The following KDM4B variants were observed in gnomAD, a reference collection of about 807,000 sequenced individuals.
KDM4B encodes lysine demethylase 4B.
A neutral mutation model predicts 125.2 loss-of-function variants in KDM4B; 32 were observed. The observed-to-expected ratio is 0.26, with a 90% CI of 0.19 to 0.34. The LOEUF is 0.34. Ranked by LOEUF, KDM4B falls within the 10% of genes least tolerant of loss-of-function variation. KDM4B has a pLI of 1.00. For missense variants in KDM4B, 1,190 were observed against 1,577.7 expected (o/e 0.75, Z 4.16); for synonymous variants, 721 against 677.9 (o/e 1.06, Z -0.99).
rs1258096570 is a variant in KDM4B at position 5,094,425 on chromosome 19, A to G, written c.918+11921A>G. 2.0e-5 allele frequency among the ~76,000 whole-genome samples: 3 copies of G among 152,210 alleles called. No homozygotes were observed. The East Asian group carries it at 5.8e-4, about 29-fold the overall frequency. ...GCCTTTGAAGTTAGATTTCATCACC[A>G]TGTGCGGGGGGGAGGCACTGGGCAT... On this transcript the variant is annotated intron_variant, in intron 9 of 22. Coordinates refer to ENST00000159111, the MANE Select transcript of KDM4B (RefSeq NM_015015.3).
chr19:5,035,892 CGCGCCT>C lies in KDM4B; in HGVS notation c.141+2866_141+2871del, dbSNP rs1195274689. ...GTGTGTGTGTGTGTGCGCGCGCGCG[CGCGCCT>C]GCGCGCACAGGAGACTGAGGTGGGG... On this transcript the variant is annotated intron_variant, in intron 3 of 22. Transcript: ENST00000159111. This position sits in a 1 kb window ranked among gnomAD's most constrained non-coding sequence, Gnocchi z 5.3. Among the ~76,000 whole-genome samples, 89 of 134,268 alleles carry C rather than the reference CGCGCCT, an allele frequency of 6.6e-4. No individual in the cohort carries two copies. The highest frequency in any genetic ancestry group is 5.8e-3 in the East Asian group (28 of 4,836). The allele number at this position is 134,268 out of a possible 152,430, so 88.1% of individuals were successfully genotyped here.
chr19:4,994,213 T>C (rs951564765), intron 1 of KDM4B, among the ~76,000 whole-genome samples: 1 of 151,652 alleles, frequency 6.6e-6, no homozygotes, highest in African/African-American at 2.4e-5. Context: ...CCCGAAGTGT[T>C]GGGATTACAG....
At chr19:5,029,749 C>T (rs1459250782) in intron 2 of KDM4B, among the ~76,000 whole-genome samples, 1 of 152,224 alleles carries the variant, frequency 6.6e-6, no homozygotes, top group Non-Finnish European at 1.5e-5. Context: ...ATGGCTTGAG[C>T]CCAGGAGGTT....
At chr19:5,136,125 G>A (rs1180957213) in intron 15 of KDM4B, among the ~76,000 whole-genome samples, 1 of 152,222 alleles carries the variant, frequency 6.6e-6, no homozygotes, top group Non-Finnish European at 1.5e-5. Flanking sequence ...TGGCCCTCTG[G>A]ACAGTTCTGC....
chr19:5,020,627 G>A (rs1391569488), intron 2 of KDM4B, among the ~76,000 whole-genome samples: 1 of 152,174 alleles, frequency 6.6e-6, no homozygotes, highest in Non-Finnish European at 1.5e-5. Flanking sequence ...TGGGGGAAGG[G>A]GGTCCCACTG....
Position 5,041,263 on chromosome 19 carries a change from G to A in KDM4B, c.432+12G>A. 1 of 1,599,354 alleles carries A rather than the reference G, an allele frequency of 6.3e-7. No homozygotes were observed. Among genetic ancestry groups the A allele is most frequent in the Non-Finnish European group, 8.6e-7 (1 of 1,167,550 alleles). ...CTTTGTATGATGACGTAAGTATGAG[G>A]CTCCGGGGAAGAACAGGGACCAGCT... On this transcript the variant is annotated intron_variant, in intron 5 of 22. Transcript: ENST00000159111.
chr19:5,025,538 C>T (rs1286451534), intron 2 of KDM4B, among the ~76,000 whole-genome samples: 2 of 152,228 alleles, frequency 1.3e-5, no homozygotes, highest in Non-Finnish European at 2.9e-5. Context: ...TCGGTTGGAT[C>T]GTGTCTCCTT....
chr19:5,140,839 T>C (rs1289269443), intron 18 of KDM4B: 1 of 152,188 alleles, frequency 6.6e-6, no homozygotes, highest in African/African-American at 2.4e-5. Context: ...CATTTGTCCC[T>C]GTGCACTCCG....
At chr19:5,021,564 C>G (rs558632933) in intron 2 of KDM4B, among the ~76,000 whole-genome samples, 1 of 151,900 alleles carries the variant, frequency 6.6e-6, no homozygotes, top group Non-Finnish European at 1.5e-5. Flanking sequence ...TACAGCAAGA[C>G]CCTGTTTCAA....
At chr19:5,029,470 C>T (rs1055660967) in intron 2 of KDM4B, among the ~76,000 whole-genome samples, 1 of 152,174 alleles carries the variant, frequency 6.6e-6, no homozygotes. Context: ...GGTTATGGCG[C>T]GTGGGGATTG....
intron 2 of KDM4B, among the ~76,000 whole-genome samples, chr19:5,023,571 G>A (rs1474858665): frequency 6.6e-6 from 1 of 152,152 alleles, no homozygotes; most frequent in Non-Finnish European, 1.5e-5. Context: ...TGGCAGCACA[G>A]GGGCTGGAGG....
intron 10 of KDM4B, 136 bp from the exon 11 acceptor site, chr19:5,119,517 C>T: frequency 1.1e-6 from 1 of 894,378 alleles, no homozygotes; most frequent in South Asian, 1.4e-5. Context: ...CCCCCGGCCT[C>T]CAGCCAGGAG....
intron 11 of KDM4B, among the ~76,000 whole-genome samples, chr19:5,129,370 A>G (rs2039504521): frequency 6.6e-6 from 1 of 151,816 alleles, no homozygotes; most frequent in South Asian, 2.1e-4. Context: ...GGCCCTTGGG[A>G]GCCTCATTGC....
At chr19:5,022,937 A>G (rs2036168498) in intron 2 of KDM4B, among the ~76,000 whole-genome samples, 1 of 152,058 alleles carries the variant, frequency 6.6e-6, no homozygotes, top group African/African-American at 2.4e-5. Context: ...CATTTCCCAC[A>G]TGGCAGTCGT....
chr19:4,969,375 G>T (rs1292269937), intron 1 of KDM4B, 145 bp downstream of exon 1: 1 of 126,872 alleles, frequency 7.9e-6, no homozygotes, highest in Non-Finnish European at 1.7e-5. Flanking sequence ...CGGGCCTCGC[G>T]CTTTGTCCGG....
At chr19:5,118,863 C>T (rs1280807894) in intron 10 of KDM4B, among the ~76,000 whole-genome samples, 2 of 152,210 alleles carry the variant, frequency 1.3e-5, no homozygotes, top group Non-Finnish European at 2.9e-5. Context: ...GTTGGGCATG[C>T]AGGATGCGCC....
chr19:5,070,709 C>G (rs1357464748), intron 6 of KDM4B: 4 of 317,214 alleles, frequency 1.3e-5, no homozygotes, highest in African/African-American at 8.6e-5. Context: ...TTTTCAGCCT[C>G]CTCGAGGTGG....
rs528819305 is a variant in KDM4B, at chr19:4,976,622, C to T, written c.-109+7392C>T. 2.0e-5 allele frequency among the ~76,000 whole-genome samples: 3 copies of T among 152,362 alleles called. No individual in the cohort carries two copies. The East Asian group carries it at 5.8e-4, about 29-fold the overall frequency. On this transcript the variant is annotated intron_variant, in intron 1 of 22. Coordinates refer to ENST00000159111, the MANE Select transcript of KDM4B (RefSeq NM_015015.3). The stretch of plus-strand genomic sequence containing the variant: ...GAACTCTCCTCGTTACCAGTGCTAG[C>T]GCCCCCGATGGGAGGGGCAGGGGAG...
intron 6 of KDM4B, among the ~76,000 whole-genome samples, chr19:5,050,222 T>A (rs2037175786): frequency 6.6e-6 from 1 of 152,256 alleles, no homozygotes; most frequent in African/African-American, 2.4e-5. Flanking sequence ...GCTACTTTGG[T>A]AGCTTGATTT....
Sources: gnomAD v4.1 joint callset for allele counts (sites outside exome capture counted in the v4.1 genomes callset) on GRCh38, gnomAD v4.1.1 for gene constraint, Gnocchi (gnomAD v3.1) non-coding constraint, MANE v1.5 for transcripts, NCBI Gene and HGNC (gene_info 2026-07-23, HGNC 2026-07-21) for gene names.